Variants in PCGF5 observed in about 807,000 individuals in gnomAD.
PCGF5 encodes polycomb group RING finger protein 5.
In PCGF5, 9 loss-of-function variants were observed where a neutral mutation model predicts 44.3. The ratio of observed to expected loss-of-function variants is 0.20; its 90% CI spans 0.12 to 0.35. The LOEUF is 0.35. PCGF5 is among the 10% of genes least tolerant of loss of function. The pLI, the probability that PCGF5 is intolerant of heterozygous loss-of-function variation, is 1.00. For synonymous variants in PCGF5, 95 were observed against 102.5 expected, an observed-to-expected ratio of 0.93 and a Z score of 0.44; for missense variants, 146 against 305.3, an observed-to-expected ratio of 0.48 and a Z score of 3.89.
chr10:91,250,251 T>G (rs1208582576), intron 5 of PCGF5, among the ~76,000 whole-genome samples: 1 of 151,956 alleles, frequency 6.6e-6, no homozygotes, highest in Admixed American at 6.6e-5. Context: ...AGAACCCACC[T>G]CCCCGCTCTA....
chr10:91,185,724 T>C (rs544413066), intron 1 of PCGF5, among the ~76,000 whole-genome samples: 6 of 152,328 alleles, frequency 3.9e-5, no homozygotes, highest in South Asian at 4.1e-4. Context: ...AGTGGTTTCA[T>C]GAAGGGTTCT....
intron 6 of PCGF5, among the ~76,000 whole-genome samples, chr10:91,259,014 A>C (rs537804037): frequency 5.3e-4 from 81 of 152,296 alleles, no homozygotes; most frequent in African/African-American, 1.8e-3. Flanking sequence ...TATTCTGATA[A>C]CTTTTGAGGT....
chr10:91,255,809 C>T (rs1845735984), intron 6 of PCGF5, among the ~76,000 whole-genome samples: 2 of 151,894 alleles, frequency 1.3e-5, no homozygotes, highest in South Asian at 4.1e-4. Flanking sequence ...GGATTCATTC[C>T]AGGACCCTTC....
At chr10:91,233,959 A>G (rs1845082588) in intron 2 of PCGF5, among the ~76,000 whole-genome samples, 1 of 152,236 alleles carries the variant, frequency 6.6e-6, no homozygotes, top group Non-Finnish European at 1.5e-5. Context: ...AAGACATGAG[A>G]GAAAAGATTA....
chr10:91,240,385 T>C (rs903463305), intron 2 of PCGF5, 99 bp from the exon 3 acceptor site: 1 of 682,634 alleles, frequency 1.5e-6, no homozygotes, highest in Non-Finnish European at 2.5e-6. Flanking sequence ...ATTCTACTTG[T>C]AGTAGGTAGT....
chr10:91,264,418 ATT>A lies in PCGF5; in HGVS notation c.574-12_574-11del. On this transcript the variant is annotated splice_polypyrimidine_tract_variant and intron_variant, in intron 7 of 9. Transcript: ENST00000336126. ...ACATTATGTTAATAGATCTATAATG[ATT>A]CTTTTTAAAGTTGGATGTGCTGTGC... The A allele has an allele frequency of 6.3e-7, 1 of 1,579,080 alleles. No individual in the cohort carries two copies. The highest frequency in any genetic ancestry group is 8.6e-7 in the Non-Finnish European group (1 of 1,161,896).
chr10:91,183,880 A>T (rs994610942), intron 1 of PCGF5, among the ~76,000 whole-genome samples: 3 of 152,104 alleles, frequency 2.0e-5, no homozygotes, highest in Non-Finnish European at 2.9e-5. Flanking sequence ...AGAATGTTGA[A>T]TATTGGCCCC....
chr10:91,264,666 C>T, intron 8 of PCGF5, 146 bp downstream of exon 8: 1 of 602,872 alleles, frequency 1.7e-6, no homozygotes, highest in African/African-American at 1.9e-5. Context: ...TCTCCTAGCA[C>T]TCTGATAATT....
the PCGF5 span, among the ~76,000 whole-genome samples, chr10:91,157,155 A>C: frequency 6.6e-6 from 1 of 152,242 alleles, no homozygotes; most frequent in Non-Finnish European, 1.5e-5. Flanking sequence ...GGACCACAAC[A>C]AATAGTTATT....
At position 91,248,470 on chromosome 10, in the gene PCGF5, C is replaced by T. The variant is rs576554526; in HGVS notation, c.210-35C>T. On this transcript the variant is annotated intron_variant, in intron 3 of 9. Transcript: ENST00000336126. Reference sequence around the variant, plus strand: ...TTTACATGTCAGATCTTGGTGTCTTCATTGTTAGTATTTTCTTTCTCCCCC... The same window carrying T: ...TTTACATGTCAGATCTTGGTGTCTTTATTGTTAGTATTTTCTTTCTCCCCC... 4.5e-4 allele frequency: 696 copies of T among 1,555,762 alleles called. 16 individuals carry two copies. The South Asian group carries it at 7.5e-3, about 17-fold the overall frequency.
At chr10:91,248,817 A>G (rs979878813) in intron 5 of PCGF5, 93 bp downstream of exon 5, 1 of 1,066,606 alleles carries the variant, frequency 9.4e-7, no homozygotes, top group Admixed American at 2.3e-5. Flanking sequence ...TCAGGCTCAC[A>G]TTTTTCCTGC....
chr10:91,192,485 A>G (rs192594663), intron 1 of PCGF5, among the ~76,000 whole-genome samples: 341 of 152,348 alleles, frequency 2.2e-3, no homozygotes, highest in Admixed American at 5.2e-3. Flanking sequence ...CTCATCGTCA[A>G]TTAAGAATCT....
chr10:91,232,292 G>T (rs1845029712), intron 2 of PCGF5, among the ~76,000 whole-genome samples: 1 of 152,162 alleles, frequency 6.6e-6, no homozygotes, highest in South Asian at 2.1e-4. Flanking sequence ...AATGTCAGCA[G>T]TTGGAAATTT....
intron 6 of PCGF5, among the ~76,000 whole-genome samples, chr10:91,259,168 G>A (rs1228842863): frequency 2.0e-5 from 3 of 152,074 alleles, no homozygotes; most frequent in Non-Finnish European, 4.4e-5. Context: ...AATTAGTACT[G>A]CTCTGCACAT....
intron 9 of PCGF5, among the ~76,000 whole-genome samples, chr10:91,275,681 T>C (rs1378138280): frequency 6.6e-6 from 1 of 151,452 alleles, no homozygotes; most frequent in East Asian, 1.9e-4. Context: ...TCTTGATCTC[T>C]TGACCTCGTG....
At chr10:91,175,491 C>G (rs966769355) in intron 1 of PCGF5, among the ~76,000 whole-genome samples, 1 of 152,064 alleles carries the variant, frequency 6.6e-6, no homozygotes, top group African/African-American at 2.4e-5. Context: ...ATTTTTTCTA[C>G]AGTGAACCCA....
chr10:91,260,743 A>G (rs1589404359), intron 6 of PCGF5, among the ~76,000 whole-genome samples: 1 of 142,222 alleles, frequency 7.0e-6, no homozygotes, highest in East Asian at 2.2e-4. Context: ...TCTCACTCAT[A>G]GGTGGGAATT....
At chr10:91,177,289 G>T (rs551298571) in intron 1 of PCGF5, among the ~76,000 whole-genome samples, 8 of 152,302 alleles carry the variant, frequency 5.3e-5, no homozygotes, top group African/African-American at 1.9e-4. Flanking sequence ...AGGGGTACCC[G>T]GCTGTGTGAG....
At chr10:91,221,242 G>C (rs1844669494) in intron 1 of PCGF5, among the ~76,000 whole-genome samples, 1 of 152,088 alleles carries the variant, frequency 6.6e-6, no homozygotes, top group Non-Finnish European at 1.5e-5. Context: ...TAACTGTCTT[G>C]GTCACAGGGC....
Sources: gnomAD v4.1 joint callset for allele counts (sites outside exome capture counted in the v4.1 genomes callset) on GRCh38, gnomAD v4.1.1 for gene constraint, MANE v1.5 for transcripts, NCBI Gene and HGNC (gene_info 2026-07-23, HGNC 2026-07-21) for gene names.